MTUS1: variants seen among roughly 807,000 people sequenced by gnomAD.
MTUS1 encodes microtubule-associated tumor suppressor 1.
In MTUS1, 109 loss-of-function variants were observed where a neutral mutation model predicts 120.8. The observed-to-expected ratio is 0.90, with a 90% CI of 0.77 to 1.06. The LOEUF (loss-of-function observed/expected upper bound fraction) is 1.06, where lower values mean the gene tolerates loss of function less well. MTUS1 is among the 50% of genes least tolerant of loss of function. The pLI is 0.00. For synonymous variants in MTUS1, 737 were observed against 550.5 expected, an observed-to-expected ratio of 1.34 and a Z score of -4.74; for missense variants, 2,210 against 1,486.3, an observed-to-expected ratio of 1.49 and a Z score of -8.01.
At position 17,755,883 on chromosome 8, in the gene MTUS1, G is replaced by A. The variant is rs760383877; in HGVS notation, c.-76C>T. ...TTTAAATGAGAGGGTGGGCAAAATG[G>A]TCTGTCTTCTAGGTTTTTCAGCACA... is the stretch of plus-strand genomic sequence containing the variant. On this transcript the variant is annotated 5_prime_UTR_variant, in exon 2 of 15. Transcript: ENST00000693296. The A allele has an allele frequency of 2.3e-4, 346 of 1,525,930 alleles. 1 individual carries two copies. The highest frequency in any genetic ancestry group is 1.2e-3 in the South Asian group (89 of 75,672). The allele number at this position is 1,525,930 out of a possible 1,614,324, so 94.5% of individuals were successfully genotyped here.
At chr8:17,756,435 T>C (rs2048613893) in intron 1 of MTUS1, among the ~76,000 whole-genome samples, 1 of 152,124 alleles carries the variant, frequency 6.6e-6, no homozygotes, top group African/African-American at 2.4e-5. Context: ...GAGTGATTAT[T>C]AGACAGGCCA....
intron 1 of MTUS1, among the ~76,000 whole-genome samples, chr8:17,766,529 G>A (rs2049506198): frequency 6.6e-6 from 1 of 152,164 alleles, no homozygotes; most frequent in Admixed American, 6.5e-5. Context: ...CTTATCTGAA[G>A]GTGACTAAGA....
intron 1 of MTUS1, among the ~76,000 whole-genome samples, chr8:17,791,072 C>A (rs1001228021): frequency 1.6e-4 from 24 of 152,200 alleles, no homozygotes; most frequent in African/African-American, 5.5e-4. Context: ...CGCATTAAAA[C>A]TAGTCAAATA....
intron 6 of MTUS1, among the ~76,000 whole-genome samples, chr8:17,685,230 G>C (rs1461257547): frequency 6.6e-6 from 1 of 151,442 alleles, no homozygotes; most frequent in Non-Finnish European, 1.5e-5. Flanking sequence ...TTTTTTTAAA[G>C]CACATGCTAA....
rs560351401 is a variant in MTUS1, at chr8:17,730,443, C to T, written c.2288-6610G>A. Among the ~76,000 whole-genome samples the T allele has an allele frequency of 2.7e-5, 4 of 148,586 alleles. No homozygotes were observed. In the East Asian group the frequency reaches 8.0e-4, roughly 30 times the overall value. On this transcript the variant is annotated intron_variant, in intron 3 of 14. Coordinates refer to ENST00000693296, the MANE Select transcript of MTUS1 (RefSeq NM_001363059.2). ...GAGGTTACAGTGAGCTGAGATCATG[C>T]CACTATACTCTGGCCTGGGCAAGAG...
chr8:17,720,689 C>G (rs530672287), intron 4 of MTUS1, among the ~76,000 whole-genome samples: 1 of 152,268 alleles, frequency 6.6e-6, no homozygotes, highest in African/African-American at 2.4e-5. Context: ...ACAATAGTCC[C>G]CAAATCTTCA....
chr8:17,746,049 G>A (rs761856217), intron 2 of MTUS1, among the ~76,000 whole-genome samples: 2 of 152,164 alleles, frequency 1.3e-5, no homozygotes, highest in Admixed American at 6.5e-5. Flanking sequence ...CTTGCTTCCT[G>A]TACAGCCTGT....
Position 17,697,130 on chromosome 8 carries a change from A to G in MTUS1, c.2624-12588T>C, listed in dbSNP as rs774708338. On this transcript the variant is annotated intron_variant, in intron 6 of 14. Transcript: ENST00000693296. ...GAAAACAATTTTTAAATTAAGCCTC[A>G]TCTCTCATTAGAGAGAGCTTTTTTC... 6 of 1,173,840 alleles carry G rather than the reference A, an allele frequency of 5.1e-6. No individual in the cohort carries two copies. In the South Asian group the frequency reaches 7.8e-5, roughly 15 times the overall value. 72.7% of individuals were successfully genotyped at this position (1,173,840 alleles called of 1,614,324 possible).
At chr8:17,682,021 T>A (rs987600972) in intron 7 of MTUS1, among the ~76,000 whole-genome samples, 3 of 152,306 alleles carry the variant, frequency 2.0e-5, no homozygotes, top group African/African-American at 7.2e-5. Flanking sequence ...ACCACACATC[T>A]CAATTCAACG....
chr8:17,649,613 T>C (rs983574959), intron 13 of MTUS1, among the ~76,000 whole-genome samples: 1 of 152,210 alleles, frequency 6.6e-6, no homozygotes, highest in Non-Finnish European at 1.5e-5. Flanking sequence ...TTTGTAGTTT[T>C]TCCAAGGACT....
At chr8:17,767,707 A>AAAAAAAAACAAACAAACAAACAAAC (rs1586282082) in intron 1 of MTUS1, among the ~76,000 whole-genome samples, 13 of 144,522 alleles carry the variant, frequency 9.0e-5, no homozygotes, top group East Asian at 2.0e-4. Flanking sequence ...TCTTAAAAAA[A>AAAAAAAAACAAACAAACAAACAAAC]AAAAAAAAAA....
rs147532811 is a variant in MTUS1, at chr8:17,663,723, G to A, written c.2906-7658C>T. Among the ~76,000 whole-genome samples the A allele has an allele frequency of 3.6e-3, 548 of 152,240 alleles. 4 individuals are homozygous for A. The highest frequency in any genetic ancestry group is 5.2e-3 in the Non-Finnish European group (353 of 68,020). Reference sequence around the variant, plus strand: ...CGATTCTCCTGCCTCAGCCCCCTGAGTAGCTGGGATTACAGGCATGCACCA... The same window carrying A: ...CGATTCTCCTGCCTCAGCCCCCTGAATAGCTGGGATTACAGGCATGCACCA... On this transcript the variant is annotated intron_variant, in intron 8 of 14. Coordinates refer to ENST00000693296, the MANE Select transcript of MTUS1 (RefSeq NM_001363059.2).
At chr8:17,709,237 T>G (rs941893614) in intron 6 of MTUS1, among the ~76,000 whole-genome samples, 33 of 152,140 alleles carry the variant, frequency 2.2e-4, no homozygotes, top group African/African-American at 7.7e-4. Context: ...TCAAGGATAT[T>G]TGTTATTCAT....
intron 1 of MTUS1, among the ~76,000 whole-genome samples, chr8:17,757,747 G>A (rs765753311): frequency 5.9e-5 from 9 of 151,990 alleles, no homozygotes; most frequent in Non-Finnish European, 1.3e-4. Context: ...GGCTGGTCTC[G>A]AACTCCTGAC....
intron 6 of MTUS1, among the ~76,000 whole-genome samples, chr8:17,688,922 C>G (rs1342311976): frequency 2.0e-5 from 3 of 152,092 alleles, no homozygotes; most frequent in South Asian, 4.2e-4. Context: ...TTAGAATTAC[C>G]CAAGCCAGGC....
At chr8:17,675,645 A>C (rs1456043974) in intron 7 of MTUS1, among the ~76,000 whole-genome samples, 2 of 152,220 alleles carry the variant, frequency 1.3e-5, no homozygotes, top group Non-Finnish European at 2.9e-5. Flanking sequence ...TTAATGTTCT[A>C]AACATAAGCA....
intron 8 of MTUS1, among the ~76,000 whole-genome samples, chr8:17,660,983 T>C (rs1457956797): frequency 6.6e-6 from 1 of 152,214 alleles, no homozygotes; most frequent in African/African-American, 2.4e-5. Flanking sequence ...ATATTAAAAG[T>C]TTCTTTTCTC....
chr8:17,764,879 G>T (rs759816213), intron 1 of MTUS1, among the ~76,000 whole-genome samples: 1 of 152,128 alleles, frequency 6.6e-6, no homozygotes, highest in Non-Finnish European at 1.5e-5. Flanking sequence ...ACTTTTCTGC[G>T]GACCAGGAGG....
At chr8:17,722,358 A>C in intron 4 of MTUS1, 1 of 969,324 alleles carries the variant, frequency 1.0e-6, no homozygotes, top group Non-Finnish European at 1.2e-6. Context: ...CTGTTTTGGC[A>C]GTTTGTCTTT....
Sources: gnomAD v4.1 joint callset for allele counts (sites outside exome capture counted in the v4.1 genomes callset) on GRCh38, gnomAD v4.1.1 for gene constraint, MANE v1.5 for transcripts, NCBI Gene and HGNC (gene_info 2026-07-23, HGNC 2026-07-21) for gene names.